The following CREB3L2 variants were observed in gnomAD, a reference collection of about 807,000 sequenced individuals.
The protein encoded by CREB3L2 is cyclic AMP-responsive element-binding protein 3-like protein 2.
In CREB3L2, 23 loss-of-function variants were observed where a neutral mutation model predicts 57.2. The ratio of observed to expected loss-of-function variants is 0.40; its 90% CI spans 0.29 to 0.57. The LOEUF is 0.57. CREB3L2 is among the 20% of genes least tolerant of loss of function. The pLI is 0.42. For missense variants in CREB3L2, 628 were observed against 634.7 expected (o/e 0.99, Z 0.11); for synonymous variants, 268 against 265.1 (o/e 1.01, Z -0.11).
At chr7:137,891,581 T>G (rs1799528869) in intron 8 of CREB3L2, among the ~76,000 whole-genome samples, 5 of 145,564 alleles carry the variant, frequency 3.4e-5, no homozygotes, top group Admixed American at 3.4e-4. Flanking sequence ...ACATACTTTC[T>G]TTTTTTTTTT....
At chr7:137,935,225 C>A (rs767042481) in intron 1 of CREB3L2, among the ~76,000 whole-genome samples, 1 of 152,148 alleles carries the variant, frequency 6.6e-6, no homozygotes, top group Admixed American at 6.5e-5. Flanking sequence ...AAATAATGCA[C>A]GTAATACACC....
At chr7:137,920,493 A>C (rs1476335894) in intron 2 of CREB3L2, among the ~76,000 whole-genome samples, 1 of 152,210 alleles carries the variant, frequency 6.6e-6, no homozygotes, top group Non-Finnish European at 1.5e-5. Flanking sequence ...ACACAGAAAC[A>C]GACAGGTAGA....
At chr7:137,921,393 G>A (rs538142174) in intron 2 of CREB3L2, among the ~76,000 whole-genome samples, 8 of 152,322 alleles carry the variant, frequency 5.3e-5, no homozygotes, top group East Asian at 1.9e-4. Flanking sequence ...GCCACTGATC[G>A]TGGTGAGAAG....
chr7:137,946,043 T>C (rs1466052695), intron 1 of CREB3L2, among the ~76,000 whole-genome samples: 2 of 152,174 alleles, frequency 1.3e-5, no homozygotes, highest in East Asian at 3.8e-4. Context: ...TAAATCCCTC[T>C]GCTTTTATGC....
intron 2 of CREB3L2, chr7:137,922,553 C>T (rs1438377941): frequency 2.5e-6 from 1 of 404,544 alleles, no homozygotes; most frequent in Admixed American, 2.6e-5. Flanking sequence ...GGCATTTATT[C>T]TTAAAAAGGG....
intron 8 of CREB3L2, among the ~76,000 whole-genome samples, chr7:137,887,613 G>T (rs1416249770): frequency 6.6e-6 from 1 of 152,070 alleles, no homozygotes; most frequent in Non-Finnish European, 1.5e-5. Flanking sequence ...GGAGGCTGAG[G>T]CAGGAGAATC....
At chr7:137,896,596 A>G (rs2117191870) in intron 8 of CREB3L2, among the ~76,000 whole-genome samples, 1 of 152,254 alleles carries the variant, frequency 6.6e-6, no homozygotes, top group Non-Finnish European at 1.5e-5. Context: ...CCACCGCGCC[A>G]GGTCTTAAAT....
rs778451113 is a variant in CREB3L2 at position 137,884,998 on chromosome 7, C to T, written c.1267G>A (p.Val423Met). The stretch of plus-strand genomic sequence containing the variant: ...AACTTGCCACATGCTGTCTTACCCA[C>T]GGAGGCTGTGTAGGGCTCCTGCAGG... ...HSLQEPYTASVVRSRNLLIYE... is the reference protein window; with the variant it reads ...HSLQEPYTASMVRSRNLLIYE... Residue 423 changes from valine to methionine, a missense_variant, in exon 10 of 12, where the codon GTG becomes ATG. Val to Met is a conservative substitution (Grantham distance 21). Coordinates refer to ENST00000330387, the MANE Select transcript of CREB3L2 (RefSeq NM_194071.4). 13 of 1,614,196 alleles carry T rather than the reference C, an allele frequency of 8.1e-6. No individual in the cohort carries two copies. Among genetic ancestry groups the T allele is most frequent in the South Asian group, 3.3e-5 (3 of 91,086 alleles).
At position 138,000,840 on chromosome 7, in the gene CREB3L2, G is replaced by A. The variant is rs553464292; in HGVS notation, c.102+764C>T. Among the ~76,000 whole-genome samples, 38 of 152,228 alleles carry A rather than the reference G, an allele frequency of 2.5e-4. 1 individual carries two copies. The highest frequency in any genetic ancestry group is 8.9e-4 in the African/African-American group (37 of 41,536). ...TGACATTAAAAACTTTAAAAGAAAT[G>A]TGCGTGCTCTGGGACAGCTTAATCC... On this transcript the variant is annotated intron_variant, in intron 1 of 11. Coordinates refer to ENST00000330387, the MANE Select transcript of CREB3L2 (RefSeq NM_194071.4).
At chr7:137,999,275 T>C (rs1802038256) in intron 1 of CREB3L2, among the ~76,000 whole-genome samples, 2 of 152,034 alleles carry the variant, frequency 1.3e-5, no homozygotes, top group African/African-American at 4.8e-5. Context: ...TCTTCCACCT[T>C]GTATTCTCTA....
intron 8 of CREB3L2, among the ~76,000 whole-genome samples, chr7:137,893,936 C>T (rs1040261859): frequency 3.3e-5 from 5 of 152,202 alleles, no homozygotes; most frequent in Non-Finnish European, 4.4e-5. Flanking sequence ...CAGGTTTGAA[C>T]AGAATTCTTG....
At position 137,976,536 on chromosome 7, in the gene CREB3L2, C is replaced by G. The variant is rs113996373; in HGVS notation, c.102+25068G>C. Among the ~76,000 whole-genome samples, 256 of 152,318 alleles carry G rather than the reference C, an allele frequency of 1.7e-3. 1 individual carries two copies. The highest frequency in any genetic ancestry group is 5.9e-3 in the African/African-American group (244 of 41,566). ...GAATTTTATAATGAATACCATATGCCTACTGCCTAAATAACACCATTAATA... is the reference window on the plus strand; with the variant it reads ...GAATTTTATAATGAATACCATATGCGTACTGCCTAAATAACACCATTAATA... On this transcript the variant is annotated intron_variant, in intron 1 of 11. Coordinates refer to ENST00000330387, the MANE Select transcript of CREB3L2 (RefSeq NM_194071.4).
At chr7:137,892,307 A>G (rs536973457) in intron 8 of CREB3L2, among the ~76,000 whole-genome samples, 3 of 151,948 alleles carry the variant, frequency 2.0e-5, no homozygotes, top group Admixed American at 6.5e-5. Flanking sequence ...TAATTGTACA[A>G]TCAAAAAAGC....
intron 1 of CREB3L2, among the ~76,000 whole-genome samples, chr7:137,984,379 A>G (rs558914485): frequency 2.0e-5 from 3 of 152,336 alleles, no homozygotes; most frequent in African/African-American, 7.2e-5. Context: ...GGCTTGTCCT[A>G]ATATAGGTAC....
chr7:137,941,988 C>T (rs529523897), intron 1 of CREB3L2, among the ~76,000 whole-genome samples: 2 of 152,208 alleles, frequency 1.3e-5, no homozygotes, highest in African/African-American at 4.8e-5. Context: ...TACCAGGGGG[C>T]TCATTTTCAG....
intron 4 of CREB3L2, among the ~76,000 whole-genome samples, chr7:137,908,969 A>G (rs111445093): frequency 0.17 from 25,953 of 151,930 alleles, 6,253 homozygotes; most frequent in African/African-American, 0.54. Flanking sequence ...GTGTGGTGGC[A>G]CACACCTATA....
rs147256216 is a variant in CREB3L2 at position 137,903,380 on chromosome 7, A to G, written c.974+579T>C. Among the ~76,000 whole-genome samples the G allele has an allele frequency of 5.5e-3, 841 of 152,332 alleles. 7 individuals are homozygous for G. The highest frequency in any genetic ancestry group is 0.017 in the African/African-American group (705 of 41,568). ...ATCTTGGTTTGTTAGCTAAAGAACT[A>G]ACTTCCAGGGCTAAGACAAAACTGT... On this transcript the variant is annotated intron_variant, in intron 7 of 11. Transcript: ENST00000330387.
chr7:137,939,325 C>T (rs1480942420), intron 1 of CREB3L2, among the ~76,000 whole-genome samples: 1 of 152,074 alleles, frequency 6.6e-6, no homozygotes, highest in East Asian at 1.9e-4. Flanking sequence ...CCTTCCCAGG[C>T]ACGTTCGGCA....
intron 4 of CREB3L2, among the ~76,000 whole-genome samples, chr7:137,912,326 G>A (rs1057184819): frequency 6.7e-6 from 1 of 150,060 alleles, no homozygotes; most frequent in Non-Finnish European, 1.5e-5. Flanking sequence ...GCAGTGAGCC[G>A]AGATGGTGCC....
Sources: allele counts gnomAD v4.1 joint callset (sites outside exome capture counted in the v4.1 genomes callset), GRCh38; gene constraint gnomAD v4.1.1; transcripts MANE v1.5; gene names NCBI Gene and HGNC (gene_info 2026-07-23, HGNC 2026-07-21).